Variants in ZNF445 observed in about 807,000 individuals in gnomAD.
ZNF445 encodes the protein zinc finger protein 168.
A neutral mutation model predicts 93.9 loss-of-function variants in ZNF445; 19 were observed. The ratio of observed to expected loss-of-function variants is 0.20; its 90% CI spans 0.14 to 0.30. The LOEUF (loss-of-function observed/expected upper bound fraction) is 0.30. ZNF445 is among the 10% of genes least tolerant of loss of function. The pLI, the probability that ZNF445 is intolerant of heterozygous loss-of-function variation, is 1.00. For missense variants in ZNF445, 1,058 were observed against 1,259.4 expected, an observed-to-expected ratio of 0.84 and a Z score of 2.42; for synonymous variants, 449 against 446.3, an observed-to-expected ratio of 1.01 and a Z score of -0.08.
At chr3:44,476,222 T>C (rs551047775) in intron 1 of ZNF445, among the ~76,000 whole-genome samples, 1 of 152,352 alleles carries the variant, frequency 6.6e-6, no homozygotes, top group African/African-American at 2.4e-5. Flanking sequence ...AGACTGCTTA[T>C]GCACTAATTC....
At chr3:44,463,613 A>AT (rs1698151069) in intron 1 of ZNF445, among the ~76,000 whole-genome samples, 1 of 152,182 alleles carries the variant, frequency 6.6e-6, no homozygotes, top group Admixed American at 6.5e-5. Flanking sequence ...TTGGTGTGTA[A>AT]TAACTAAGTA....
At chr3:44,467,747 T>G (rs746047281) in intron 1 of ZNF445, among the ~76,000 whole-genome samples, 8 of 152,330 alleles carry the variant, frequency 5.3e-5, no homozygotes, top group Non-Finnish European at 1.2e-4. Flanking sequence ...AGGCTAAAGT[T>G]TATTTTGTAA....
At chr3:44,453,322 T>C (rs2125680138) in intron 3 of ZNF445, among the ~76,000 whole-genome samples, 1 of 151,766 alleles carries the variant, frequency 6.6e-6, no homozygotes, top group East Asian at 1.9e-4. Flanking sequence ...TTAGACAGCG[T>C]CTTGTTCTGT....
chr3:44,449,267 C>G (rs1462551626), intron 7 of ZNF445, among the ~76,000 whole-genome samples: 1 of 151,852 alleles, frequency 6.6e-6, no homozygotes, highest in African/African-American at 2.4e-5. Context: ...CTCCAGCAGG[C>G]AAGAACTATT....
chr3:44,454,861 G>T, intron 3 of ZNF445: 1 of 518,334 alleles, frequency 1.9e-6, no homozygotes, highest in Non-Finnish European at 3.5e-6. Context: ...GAGCCACTGT[G>T]CCCAGAAGTT....
chr3:44,472,412 T>C (rs1006835789), intron 1 of ZNF445, among the ~76,000 whole-genome samples: 1 of 152,202 alleles, frequency 6.6e-6, no homozygotes, highest in African/African-American at 2.4e-5. Context: ...GGTTTCACTA[T>C]ATTGCCCATG....
In ZNF445 at chr3:44,447,780, T is replaced by C; in HGVS notation, c.1891A>G (p.Arg631Gly). ...QEKPYKCTKC[R>G]KTFRWRSNFT... The stretch of plus-strand genomic sequence containing the variant: ...TTTGATCTCCATCTAAAGGTTTTCC[T>C]ACATTTGGTACATTTATAGGGCTTC... Residue 631 changes from arginine to glycine, a missense_variant, in exon 8 of 8, where the codon AGG (arginine) becomes GGG (glycine). By Grantham distance (125) the Arg-to-Gly change is moderately radical. Transcript: ENST00000396077. The surrounding 1 kb of genome is among the most constrained non-coding windows in gnomAD (Gnocchi z 4.7). 1.9e-6 allele frequency: 3 copies of C among 1,614,116 alleles called. No individual in the cohort carries two copies. The African/African-American group carries it at 4.0e-5, about 22-fold the overall frequency.
At chr3:44,477,482 G>A (rs952244831) in intron 1 of ZNF445, 109 bp downstream of exon 1, 3 of 152,030 alleles carry the variant, frequency 2.0e-5, no homozygotes, top group African/African-American at 7.2e-5. Flanking sequence ...CAGCCTCCAG[G>A]CCGGGCCCCG....
At chr3:44,469,642 A>C (rs1251167488) in intron 1 of ZNF445, among the ~76,000 whole-genome samples, 1 of 152,098 alleles carries the variant, frequency 6.6e-6, no homozygotes, top group African/African-American at 2.4e-5. Context: ...GGAGACGTAC[A>C]GCTGTAATCC....
At position 44,447,332 on chromosome 3, in the gene ZNF445, T is replaced by C; in HGVS notation, c.2339A>G (p.His780Arg). The change falls in exon 8 of 8, where the codon CAT (histidine) becomes CGT (arginine). Residue 780 changes from histidine (H) to arginine (R), a missense_variant. By Grantham distance (29) the His-to-Arg change is conservative. Transcript: ENST00000396077. This position sits in a 1 kb window ranked among gnomAD's most constrained non-coding sequence, Gnocchi z 4.7. ...AFRNHSFLLI[H>R]QRVHTGEKPY... ...CTTCTCTCCAGTGTGAACTCTCTGA[T>C]GGATGAGGAGGAATGAGTGATTGCG... is the stretch of plus-strand genomic sequence containing the variant. 1 of 1,614,162 alleles carries C rather than the reference T, an allele frequency of 6.2e-7. No individual in the cohort carries two copies. Among genetic ancestry groups the C allele is most frequent in the Non-Finnish European group, 8.5e-7 (1 of 1,180,026 alleles).
At chr3:44,462,059 GGTTT>G (rs55783045) in intron 1 of ZNF445, among the ~76,000 whole-genome samples, 63,809 of 151,672 alleles carry the variant, frequency 0.42, 14,319 homozygotes, top group East Asian at 0.86. Flanking sequence ...TCTCTGCAAG[GGTTT>G]GTTTAATAGA....
chr3:44,450,977 G>T lies in ZNF445; in HGVS notation c.599-15C>A. On this transcript the variant is annotated splice_polypyrimidine_tract_variant and intron_variant, in intron 4 of 7. Coordinates refer to ENST00000396077, the MANE Select transcript of ZNF445 (RefSeq NM_181489.6). Reference sequence around the variant, plus strand: ...AGCAGGAGTATCTGAAGGAGAAAAAGCCATGAGAGAGCGGCTCAGCTCTGG... The same window carrying T: ...AGCAGGAGTATCTGAAGGAGAAAAATCCATGAGAGAGCGGCTCAGCTCTGG... The T allele has an allele frequency of 6.4e-7, 1 of 1,564,028 alleles. No individual in the cohort carries two copies. Among genetic ancestry groups the T allele is most frequent in the Non-Finnish European group, 8.7e-7 (1 of 1,155,816 alleles).
chr3:44,454,484 A>T (rs750007678), intron 3 of ZNF445, among the ~76,000 whole-genome samples: 35 of 152,298 alleles, frequency 2.3e-4, no homozygotes, highest in Admixed American at 7.8e-4. Flanking sequence ...CCCAGGCTGG[A>T]GCGCAGTGGT....
At chr3:44,473,524 AAAT>A (rs1481038023) in intron 1 of ZNF445, among the ~76,000 whole-genome samples, 1 of 151,090 alleles carries the variant, frequency 6.6e-6, no homozygotes, top group African/African-American at 2.5e-5. Flanking sequence ...TAAAGCCTTA[AAAT>A]AATATTTATA....
rs1318863461 is a variant in ZNF445, at chr3:44,450,874, C to T, written c.687G>A (p.Gln229=). The change falls in exon 5 of 8, where the codon CAG becomes CAA. Residue 229 remains glutamine, a synonymous_variant. Coordinates refer to ENST00000396077, the MANE Select transcript of ZNF445 (RefSeq NM_181489.6). ...CAAATGTTCTGTGGCTCACCTGGAG[C>T]TGGGCTGTCAGGGACCTGGTTGGTG... The part of the protein sequence containing the change: ...QVTPTRSLTA[Q]LQETMTFKDV... 3.2e-6 allele frequency: 5 copies of T among 1,575,214 alleles called. No homozygotes were observed. In the African/African-American group the frequency reaches 4.1e-5, roughly 13 times the overall value.
chr3:44,455,650 C>G lies in ZNF445; in HGVS notation c.-101G>C. 1.7e-6 allele frequency: 2 copies of G among 1,148,366 alleles called. No homozygotes were observed. Among genetic ancestry groups the G allele is most frequent in the Non-Finnish European group, 2.4e-6 (2 of 827,364 alleles). The allele number at this position is 1,148,366 out of a possible 1,614,324, so 71.1% of individuals were successfully genotyped here. ...CAGCAGTCAACAATGCCAACATTTG[C>G]TGGGACATCAGAAGTCATCAGCAAG... is the stretch of plus-strand genomic sequence containing the variant. On this transcript the variant is annotated 5_prime_UTR_variant, in exon 3 of 8. Coordinates refer to ENST00000396077, the MANE Select transcript of ZNF445 (RefSeq NM_181489.6).
Position 44,448,756 on chromosome 3 carries a change from C to T in ZNF445, c.932-17G>A. On this transcript the variant is annotated splice_polypyrimidine_tract_variant and intron_variant, in intron 7 of 7. Coordinates refer to ENST00000396077, the MANE Select transcript of ZNF445 (RefSeq NM_181489.6). ...GGTCATCTCCTGACAAAAAATATAA[C>T]ACAAGAGAATGTACTCTTTTCCCAT... 6.3e-7 allele frequency: 1 copy of T among 1,598,174 alleles called. No homozygotes were observed. The highest frequency in any genetic ancestry group is 8.5e-7 in the Non-Finnish European group (1 of 1,174,128).
At chr3:44,450,356 A>T in intron 6 of ZNF445, 91 bp downstream of exon 6, 1 of 1,558,782 alleles carries the variant, frequency 6.4e-7, no homozygotes, top group Non-Finnish European at 8.8e-7. Flanking sequence ...CAGGATCTAA[A>T]ACCAGGTCAG....
At chr3:44,470,164 C>T (rs2125685640) in intron 1 of ZNF445, among the ~76,000 whole-genome samples, 1 of 152,312 alleles carries the variant, frequency 6.6e-6, no homozygotes, top group East Asian at 1.9e-4. Context: ...TTCAAGAGAG[C>T]CTCCTGACTT....
Sources: allele counts gnomAD v4.1 joint callset (sites outside exome capture counted in the v4.1 genomes callset), GRCh38; gene constraint gnomAD v4.1.1; non-coding constraint Gnocchi (gnomAD v3.1); transcripts MANE v1.5; gene names NCBI Gene and HGNC (gene_info 2026-07-23, HGNC 2026-07-21).